NPAS3: variants seen among roughly 807,000 people sequenced by gnomAD.
NPAS3 encodes the protein neuronal PAS domain-containing protein 3.
A neutral mutation model predicts 73.1 loss-of-function variants in NPAS3; 14 were observed. The observed-to-expected ratio is 0.19, with a 90% CI of 0.13 to 0.30. The LOEUF (loss-of-function observed/expected upper bound fraction) is 0.30, where lower values mean the gene tolerates loss of function less well. NPAS3 is among the 10% of genes least tolerant of loss of function. NPAS3 has a pLI of 1.00. For missense variants in NPAS3, 1,096 were observed against 1,250.0 expected (o/e 0.88, Z 1.86); for synonymous variants, 620 against 541.5 (o/e 1.14, Z -2.01).
intron 2 of NPAS3, among the ~76,000 whole-genome samples, chr14:33,148,211 G>A (rs1193264761): frequency 6.6e-6 from 1 of 151,876 alleles, no homozygotes; most frequent in East Asian, 1.9e-4. Context: ...TTTATTTTAG[G>A]CAAAATTTTA....
At chr14:33,140,554 T>C (rs567040723) in intron 2 of NPAS3, among the ~76,000 whole-genome samples, 2 of 152,268 alleles carry the variant, frequency 1.3e-5, no homozygotes, top group African/African-American at 4.8e-5. Context: ...AATTCTCTCA[T>C]TTGCATTGAA....
chr14:33,509,248 T>A (rs764725705), intron 4 of NPAS3, among the ~76,000 whole-genome samples: 50 of 152,012 alleles, frequency 3.3e-4, no homozygotes, highest in Non-Finnish European at 6.0e-4. Flanking sequence ...CTTGTTACAT[T>A]TTAATATGTG....
At chr14:33,440,007 T>G (rs2049169588) in intron 4 of NPAS3, among the ~76,000 whole-genome samples, 1 of 151,064 alleles carries the variant, frequency 6.6e-6, no homozygotes, top group African/African-American at 2.4e-5. Flanking sequence ...TCCCAGCCAC[T>G]CGGGAGGCTG....
At chr14:33,368,828 T>G (rs1357684295) in intron 4 of NPAS3, among the ~76,000 whole-genome samples, 1 of 152,188 alleles carries the variant, frequency 6.6e-6, no homozygotes, top group Non-Finnish European at 1.5e-5. Context: ...ATTATAGGTT[T>G]TGTATGGACC....
intron 3 of NPAS3, among the ~76,000 whole-genome samples, chr14:33,331,004 T>A (rs2043958980): frequency 6.6e-6 from 1 of 152,240 alleles, no homozygotes; most frequent in Admixed American, 6.5e-5. Flanking sequence ...TTAAACTATT[T>A]ACACTTGGGT....
intron 6 of NPAS3, among the ~76,000 whole-genome samples, chr14:33,707,285 C>T (rs2060682682): frequency 6.6e-6 from 1 of 151,940 alleles, no homozygotes; most frequent in Admixed American, 6.6e-5. Flanking sequence ...GACTTGAACA[C>T]AAATAGTTCT....
chr14:33,530,046 A>AT (rs970653421), intron 4 of NPAS3, among the ~76,000 whole-genome samples: 16 of 151,912 alleles, frequency 1.1e-4, no homozygotes, highest in South Asian at 2.1e-4. Flanking sequence ...ATGCTGTCCA[A>AT]TTTTTTTTAG....
chr14:33,737,613 G>A (rs183231774), intron 7 of NPAS3, among the ~76,000 whole-genome samples: 3,829 of 152,128 alleles, frequency 0.025, 171 homozygotes, highest in African/African-American at 0.087. Flanking sequence ...GAATCATCCA[G>A]CAGATCCAGC....
intron 6 of NPAS3, among the ~76,000 whole-genome samples, chr14:33,725,410 G>A (rs1236794636): frequency 2.6e-5 from 4 of 152,090 alleles, no homozygotes; most frequent in Non-Finnish European, 4.4e-5. Flanking sequence ...ATAAGATTGC[G>A]AGAAGACACA....
intron 10 of NPAS3, among the ~76,000 whole-genome samples, chr14:33,796,843 G>C (rs900953791): frequency 2.6e-5 from 4 of 152,208 alleles, no homozygotes; most frequent in Admixed American, 1.3e-4. Flanking sequence ...ACTGCAATCA[G>C]ATTTCCAGCT....
chr14:33,106,362 T>C (rs1159802910), intron 2 of NPAS3, among the ~76,000 whole-genome samples: 1 of 152,326 alleles, frequency 6.6e-6, no homozygotes, highest in African/African-American at 2.4e-5. Flanking sequence ...CCACTTAACC[T>C]GCTATTAAAT....
At chr14:33,226,177 C>T (rs185466975) in intron 3 of NPAS3, among the ~76,000 whole-genome samples, 6 of 152,262 alleles carry the variant, frequency 3.9e-5, no homozygotes, top group Admixed American at 3.9e-4. Flanking sequence ...AGCAAATGAT[C>T]CAGACTAAGG....
At chr14:33,716,888 C>T (rs556989122) in intron 6 of NPAS3, among the ~76,000 whole-genome samples, 1 of 152,110 alleles carries the variant, frequency 6.6e-6, no homozygotes, top group Non-Finnish European at 1.5e-5. Flanking sequence ...ATTTCCTTTA[C>T]ATCTCTCATT....
chr14:33,337,040 T>C (rs1230349186), intron 3 of NPAS3, among the ~76,000 whole-genome samples: 1 of 152,222 alleles, frequency 6.6e-6, no homozygotes, highest in African/African-American at 2.4e-5. Flanking sequence ...TGTGTTTTCA[T>C]TTTCTCAAAG....
chr14:33,724,185 A>G (rs1182498835), intron 6 of NPAS3, among the ~76,000 whole-genome samples: 1 of 152,214 alleles, frequency 6.6e-6, no homozygotes, highest in South Asian at 2.1e-4. Flanking sequence ...AATATGTCAG[A>G]GTTAATATCC....
chr14:33,673,800 A>G (rs2059677928), intron 5 of NPAS3, among the ~76,000 whole-genome samples: 1 of 152,216 alleles, frequency 6.6e-6, no homozygotes, highest in African/African-American at 2.4e-5. Flanking sequence ...AGAAGAGGAA[A>G]CTGAAGCCCA....
chr14:33,707,001 C>T (rs1166558855), intron 6 of NPAS3, among the ~76,000 whole-genome samples: 1 of 152,188 alleles, frequency 6.6e-6, no homozygotes, highest in Admixed American at 6.5e-5. Context: ...AAATAATACA[C>T]CCATTAAAAT....
chr14:33,349,580 G>A lies in NPAS3; in HGVS notation c.386-17606G>A, dbSNP rs140487731. Among the ~76,000 whole-genome samples the A allele has an allele frequency of 8.7e-5, 13 of 150,092 alleles. No homozygotes were observed. The East Asian group carries it at 2.5e-3, about 29-fold the overall frequency. ...AGAGATTTGCAGTATCATTATAGTT[G>A]TTTCTGCTCATCAACTTTTTGATTT... On this transcript the variant is annotated intron_variant, in intron 3 of 11. Transcript: ENST00000356141.
chr14:33,158,939 G>A (rs575928078), intron 2 of NPAS3, among the ~76,000 whole-genome samples: 2 of 152,300 alleles, frequency 1.3e-5, no homozygotes, highest in South Asian at 4.1e-4. Flanking sequence ...AAGGTGGGTA[G>A]ATCACCTGAA....
Sources: allele counts gnomAD v4.1 joint callset (sites outside exome capture counted in the v4.1 genomes callset), GRCh38; gene constraint gnomAD v4.1.1; transcripts MANE v1.5; gene names NCBI Gene and HGNC (gene_info 2026-07-23, HGNC 2026-07-21).